The following DDX27 variants were observed in gnomAD, a reference collection of about 807,000 sequenced individuals.
DDX27 encodes the protein DEAD-box helicase 27.
DDX27 carries 42 observed loss-of-function variants against 99.3 expected under a neutral mutation model. The ratio of observed to expected loss-of-function variants is 0.42; its 90% CI spans 0.33 to 0.55. The LOEUF (loss-of-function observed/expected upper bound fraction) is 0.55. Among genes scored for constraint, DDX27 ranks in the 20% least tolerant of loss-of-function variants. The probability of loss-of-function intolerance (pLI) is 0.07; values close to 1 mark genes in which losing one functional copy is unlikely to be tolerated. For synonymous variants in DDX27, 329 were observed against 353.8 expected (o/e 0.93, Z 0.79); for missense variants, 798 against 976.8 (o/e 0.82, Z 2.44).
At chr20:49,223,567 T>A in intron 4 of DDX27, 134 bp downstream of exon 4, 2 of 759,438 alleles carry the variant, frequency 2.6e-6, no homozygotes, top group Non-Finnish European at 3.8e-6. Context: ...TGAACTCCTT[T>A]CTTTCTTTTT....
At chr20:49,239,909 A>G (rs1214379912) in intron 16 of DDX27, among the ~76,000 whole-genome samples, 2 of 152,250 alleles carry the variant, frequency 1.3e-5, no homozygotes, top group Non-Finnish European at 2.9e-5. Context: ...GTTCTGATAC[A>G]TGCCATAAGG....
intron 6 of DDX27, among the ~76,000 whole-genome samples, chr20:49,225,532 T>A (rs1979854166): frequency 1.4e-5 from 2 of 141,958 alleles, no homozygotes; most frequent in Non-Finnish European, 3.0e-5. Context: ...CTCGGCTCAC[T>A]GCAACCTCCA....
intron 16 of DDX27, among the ~76,000 whole-genome samples, chr20:49,240,056 G>A (rs1376172887): frequency 6.6e-6 from 1 of 152,120 alleles, no homozygotes; most frequent in Non-Finnish European, 1.5e-5. Context: ...CTTAGGGCTA[G>A]GGGAAGGGGG....
Position 49,223,339 on chromosome 20 carries a change from G to A in DDX27, c.372G>A (p.Gln124=). 6.2e-7 allele frequency: 1 copy of A among 1,614,108 alleles called. No individual in the cohort carries two copies. ...AGGAAGGCTCTGAACCAAAGGAGCA[G>A]GAAGACCTTCAAGAGAATGATGAGG... ...EAKEGSEPKE[Q]EDLQENDEEG... is the part of the protein sequence containing the mutation. Residue 124 remains glutamine, a synonymous_variant, in exon 4 of 21, where the codon CAG becomes CAA. Coordinates refer to ENST00000618172, the MANE Select transcript of DDX27 (RefSeq NM_017895.8).
At chr20:49,241,027 C>A (rs931828299) in intron 16 of DDX27, among the ~76,000 whole-genome samples, 4 of 152,190 alleles carry the variant, frequency 2.6e-5, no homozygotes, top group South Asian at 4.1e-4. Context: ...ACCACCACCA[C>A]CAACAACAAA....
chr20:49,243,937 A>C lies in DDX27; in HGVS notation c.*103A>C, dbSNP rs1205450254. On this transcript the variant is annotated 3_prime_UTR_variant, in exon 21 of 21. Transcript: ENST00000618172. ...TTTTCTCCATTTGTTTAAAAAAAAA[A>C]CAAAAACAAAAAACAACACTTTGGT... is the stretch of plus-strand genomic sequence containing the variant. 8.5e-6 allele frequency: 12 copies of C among 1,410,400 alleles called. No individual in the cohort carries two copies. The highest frequency in any genetic ancestry group is 1.2e-5 in the Non-Finnish European group (12 of 1,027,010). 87.4% of individuals were successfully genotyped at this position (1,410,400 alleles called of 1,614,324 possible). A position where few individuals can be genotyped will look rare whatever the true frequency, so the allele number is the denominator to read the frequency against.
intron 1 of DDX27, among the ~76,000 whole-genome samples, chr20:49,219,819 GTT>G (rs1979572474): frequency 6.6e-6 from 1 of 151,818 alleles, no homozygotes; most frequent in Non-Finnish European, 1.5e-5. Context: ...GAGACGGCAG[GTT>G]TCTTACACCT....
chr20:49,229,028 G>GA, intron 8 of DDX27, 140 bp downstream of exon 8: 11 of 466,368 alleles, frequency 2.4e-5, no homozygotes, highest in Non-Finnish European at 3.6e-5. Context: ...AAAACTGGAA[G>GA]ACTTTTTTTT....
At chr20:49,221,036 A>T (rs1410975472) in intron 1 of DDX27, among the ~76,000 whole-genome samples, 5 of 151,950 alleles carry the variant, frequency 3.3e-5, no homozygotes, top group Non-Finnish European at 7.4e-5. Flanking sequence ...ATCTCGGCTC[A>T]CCGCAGCCTC....
Position 49,242,296 on chromosome 20 carries a change from C to T in DDX27, c.2116+90C>T. The stretch of plus-strand genomic sequence containing the variant: ...AGGGAGAAAATCTGAGGGATGATGA[C>T]AGTAGCCCACATTATTTGAGTAATT... On this transcript the variant is annotated intron_variant, in intron 18 of 20. Transcript: ENST00000618172. 5 of 1,544,528 alleles carry T rather than the reference C, an allele frequency of 3.2e-6. 1 individual carries two copies. Among genetic ancestry groups the T allele is most frequent in the Middle Eastern group, 2.2e-4 (1 of 4,544 alleles).
chr20:49,230,019 T>G (rs1367234836), intron 8 of DDX27, among the ~76,000 whole-genome samples, 180 bp from the exon 9 acceptor site: 1 of 152,202 alleles, frequency 6.6e-6, no homozygotes, highest in Non-Finnish European at 1.5e-5. Context: ...ACAATTTTAA[T>G]GACATGATCT....
intron 19 of DDX27, among the ~76,000 whole-genome samples, chr20:49,243,304 AC>A (rs1202662585): frequency 6.6e-6 from 1 of 151,972 alleles, no homozygotes; most frequent in African/African-American, 2.4e-5. Flanking sequence ...ATCCTGCAGA[AC>A]CCCAGAGAAT....
chr20:49,231,885 CT>C (rs11086280), intron 9 of DDX27, among the ~76,000 whole-genome samples: 88,554 of 135,724 alleles, frequency 0.65, 28,830 homozygotes, highest in Non-Finnish European at 0.74. Context: ...CTTTTCGTTC[CT>C]TTTTTTTTTT....
intron 6 of DDX27, 45 bp from the exon 7 acceptor site, chr20:49,226,385 A>T: frequency 6.6e-7 from 1 of 1,513,206 alleles, no homozygotes; most frequent in Non-Finnish European, 9.1e-7. Context: ...TTGTGCTGAG[A>T]CTTCCCCCGC....
intron 4 of DDX27, among the ~76,000 whole-genome samples, chr20:49,223,970 A>G (rs1321664919): frequency 2.0e-5 from 3 of 152,016 alleles, no homozygotes; most frequent in Non-Finnish European, 4.4e-5. Flanking sequence ...GCTTGAACTC[A>G]CTGGCTTAAG....
chr20:49,226,242 T>C (rs1294646147), intron 6 of DDX27, among the ~76,000 whole-genome samples, 188 bp from the exon 7 acceptor site: 1 of 152,186 alleles, frequency 6.6e-6, no homozygotes, highest in East Asian at 1.9e-4. Flanking sequence ...TTTATTTCTT[T>C]TATTTACTGC....
intron 7 of DDX27, 101 bp downstream of exon 7, chr20:49,226,636 G>C (rs1422072635): frequency 4.1e-6 from 3 of 725,860 alleles, no homozygotes; most frequent in Non-Finnish European, 6.6e-6. Flanking sequence ...AAATATTCTT[G>C]GTTTTTTGAA....
chr20:49,233,431 G>A (rs762370881), intron 10 of DDX27, 26 bp downstream of exon 10: 24 of 1,611,128 alleles, frequency 1.5e-5, no homozygotes, highest in East Asian at 4.5e-5. Context: ...TCTCTGTGGC[G>A]GGTGGCAGGT....
At chr20:49,219,767 G>GT (rs1979567820) in intron 1 of DDX27, among the ~76,000 whole-genome samples, 1 of 152,110 alleles carries the variant, frequency 6.6e-6, no homozygotes, top group South Asian at 2.1e-4. Flanking sequence ...GCTGAACTCA[G>GT]TATCTATTCA....
Sources: gnomAD v4.1 joint callset for allele counts (sites outside exome capture counted in the v4.1 genomes callset) on GRCh38, gnomAD v4.1.1 for gene constraint, MANE v1.5 for transcripts, NCBI Gene and HGNC (gene_info 2026-07-23, HGNC 2026-07-21) for gene names.